Variants in EMID1 observed in about 807,000 individuals in gnomAD.
EMID1 encodes the protein EMI domain containing 1, also known as EMI domain-containing protein 1.
A neutral mutation model predicts 60.6 loss-of-function variants in EMID1; 40 were observed. The ratio of observed to expected loss-of-function variants is 0.66; its 90% CI spans 0.51 to 0.86. The LOEUF (loss-of-function observed/expected upper bound fraction) is 0.86. EMID1 is among the 40% of genes least tolerant of loss of function. The pLI is 0.00. For synonymous variants in EMID1, 242 were observed against 231.0 expected, an observed-to-expected ratio of 1.05 and a Z score of -0.43; for missense variants, 585 against 597.1, an observed-to-expected ratio of 0.98 and a Z score of 0.21.
chr22:29,211,313 G>A (rs1030129501), intron 1 of EMID1, among the ~76,000 whole-genome samples: 2 of 152,214 alleles, frequency 1.3e-5, no homozygotes, highest in Non-Finnish European at 2.9e-5. Context: ...GTGATTAAGT[G>A]TCCTGCTGGA....
chr22:29,214,210 C>A (rs2039996592), intron 1 of EMID1, among the ~76,000 whole-genome samples: 1 of 152,148 alleles, frequency 6.6e-6, no homozygotes, highest in African/African-American at 2.4e-5. Flanking sequence ...GCGGAGGGGG[C>A]AGGCACAAAT....
Position 29,224,692 on chromosome 22 carries a change from C to T in EMID1, c.320-441C>T, listed in dbSNP as rs529954784. ...CCAGTCCCTGTGTGTGCACAGTGGGCCCTTTGCATTCATGGCCGACCTCAG... is the reference window on the plus strand; with the variant it reads ...CCAGTCCCTGTGTGTGCACAGTGGGTCCTTTGCATTCATGGCCGACCTCAG... On this transcript the variant is annotated intron_variant, in intron 3 of 14. Transcript: ENST00000334018. Among the ~76,000 whole-genome samples the T allele has an allele frequency of 2.6e-4, 39 of 152,354 alleles. No homozygotes were observed. In the East Asian group the frequency reaches 4.1e-3, roughly 16 times the overall value.
chr22:29,244,016 G>A (rs552533411), intron 13 of EMID1, among the ~76,000 whole-genome samples: 174 of 152,300 alleles, frequency 1.1e-3, no homozygotes, highest in African/African-American at 3.4e-3. Context: ...CATACACATC[G>A]GAAATTCATG....
At chr22:29,255,329 G>A (rs1410018502) in intron 14 of EMID1, 15 of 1,523,268 alleles carry the variant, frequency 9.8e-6, no homozygotes, top group Middle Eastern at 1.7e-4. Context: ...CTGGCCAGAC[G>A]GGTCACCCTC....
chr22:29,214,760 C>G (rs890152924), intron 1 of EMID1, among the ~76,000 whole-genome samples, 166 bp from the exon 2 acceptor site: 1 of 152,114 alleles, frequency 6.6e-6, no homozygotes, highest in Admixed American at 6.5e-5. Flanking sequence ...CACAGGGACT[C>G]CCCCCAGCCA....
intron 6 of EMID1, 147 bp downstream of exon 6, chr22:29,231,287 C>G: frequency 8.1e-7 from 1 of 1,237,998 alleles, no homozygotes. Flanking sequence ...CTTAGACCCG[C>G]CTAAGAGGAC....
At chr22:29,226,339 T>C (rs1328500393) in intron 4 of EMID1, 151 bp from the exon 5 acceptor site, 1 of 763,692 alleles carries the variant, frequency 1.3e-6, no homozygotes, top group Non-Finnish European at 2.0e-6. Context: ...CCCACTGTGA[T>C]CCTATAGCCC....
chr22:29,233,236 C>T, intron 8 of EMID1, 143 bp from the exon 9 acceptor site: 1 of 811,798 alleles, frequency 1.2e-6, no homozygotes, highest in Non-Finnish European at 2.1e-6. Context: ...CACTCCTCAC[C>T]CTGGAGCAGG....
chr22:29,233,986 TGTATGAA>T, intron 10 of EMID1, 144 bp from the exon 11 acceptor site: 1 of 806,342 alleles, frequency 1.2e-6, no homozygotes, highest in South Asian at 1.8e-5. Context: ...AACACTGAGC[TGTATGAA>T]CTGACTGCGG....
At chr22:29,242,606 A>T (rs2041191784) in intron 12 of EMID1, among the ~76,000 whole-genome samples, 1 of 152,226 alleles carries the variant, frequency 6.6e-6, no homozygotes, top group Non-Finnish European at 1.5e-5. Flanking sequence ...AAAGTAGATA[A>T]TATGTTGAAA....
intron 3 of EMID1, among the ~76,000 whole-genome samples, chr22:29,216,912 G>A (rs371502588): frequency 5.1e-4 from 78 of 152,396 alleles, no homozygotes; most frequent in African/African-American, 1.8e-3. Flanking sequence ...AGCCACAAGG[G>A]CCAGTGTGGG....
At chr22:29,253,076 A>G (rs532018791) in intron 13 of EMID1, among the ~76,000 whole-genome samples, 3 of 152,246 alleles carry the variant, frequency 2.0e-5, no homozygotes, top group African/African-American at 7.2e-5. Flanking sequence ...TGCGAAAGCA[A>G]TATAGGCTTT....
intron 5 of EMID1, among the ~76,000 whole-genome samples, chr22:29,226,819 G>A (rs1357834532): frequency 6.6e-6 from 1 of 152,088 alleles, no homozygotes; most frequent in African/African-American, 2.4e-5. Context: ...ATCCACTCAG[G>A]GAAAACTGTA....
chr22:29,223,788 G>A (rs565363849), intron 3 of EMID1, among the ~76,000 whole-genome samples: 2 of 152,356 alleles, frequency 1.3e-5, no homozygotes, highest in South Asian at 4.1e-4. Flanking sequence ...CCTGGAAAGT[G>A]GAGGTGAATT....
At chr22:29,236,294 G>A (rs531052438) in intron 12 of EMID1, among the ~76,000 whole-genome samples, 10 of 152,304 alleles carry the variant, frequency 6.6e-5, no homozygotes. Flanking sequence ...TACCTGAGAG[G>A]CTGAGCTGGG....
intron 12 of EMID1, among the ~76,000 whole-genome samples, chr22:29,239,598 T>G (rs949213461): frequency 6.6e-6 from 1 of 152,224 alleles, no homozygotes; most frequent in African/African-American, 2.4e-5. Context: ...TTGTTGAATC[T>G]CTTCAAACTG....
chr22:29,232,109 C>T, intron 7 of EMID1, 147 bp from the exon 8 acceptor site: 1 of 827,538 alleles, frequency 1.2e-6, no homozygotes, highest in East Asian at 2.6e-5. Context: ...GCTCATCCCC[C>T]TGTTAGACTA....
chr22:29,235,190 A>G (rs1229783351), intron 12 of EMID1, among the ~76,000 whole-genome samples: 1 of 152,082 alleles, frequency 6.6e-6, no homozygotes, highest in Non-Finnish European at 1.5e-5. Flanking sequence ...TCTACTAAAT[A>G]TACAAAAATT....
At chr22:29,235,524 C>A (rs1300185130) in intron 12 of EMID1, among the ~76,000 whole-genome samples, 1 of 150,708 alleles carries the variant, frequency 6.6e-6, no homozygotes, top group Non-Finnish European at 1.5e-5. Context: ...TCTTTTTTCC[C>A]TTTTCTTTTC....
Sources: gnomAD v4.1 joint callset for allele counts (sites outside exome capture counted in the v4.1 genomes callset) on GRCh38, gnomAD v4.1.1 for gene constraint, MANE v1.5 for transcripts, NCBI Gene and HGNC (gene_info 2026-07-23, HGNC 2026-07-21) for gene names.